The following CCDC7 variants were observed in gnomAD, a reference collection of about 807,000 sequenced individuals.
CCDC7 encodes coiled-coil domain containing 7, also known as coiled-coil domain-containing protein 7.
Under a neutral mutation model 196.9 loss-of-function variants are expected in CCDC7, and 183 were observed. That is an observed-to-expected ratio of 0.93 (90% CI 0.82 to 1.05). CCDC7 has a LOEUF of 1.05. Ranked by LOEUF, CCDC7 falls within the 50% of genes least tolerant of loss-of-function variation. CCDC7 has a pLI of 0.00. For missense variants in CCDC7, 1,540 were observed against 1,482.2 expected (o/e 1.04, Z -0.64); for synonymous variants, 525 against 484.6 (o/e 1.08, Z -1.10).
At chr10:32,797,426 C>A (rs1256529065) in intron 29 of CCDC7, among the ~76,000 whole-genome samples, 2 of 151,912 alleles carry the variant, frequency 1.3e-5, no homozygotes, top group African/African-American at 4.8e-5. Context: ...GAAAACCAAG[C>A]ATTGTATGTT....
intron 20 of CCDC7, among the ~76,000 whole-genome samples, chr10:32,663,380 A>G (rs536730891): frequency 1.3e-5 from 2 of 152,206 alleles, no homozygotes; most frequent in Non-Finnish European, 2.9e-5. Flanking sequence ...TTTTGCATGT[A>G]GGGTCTATGC....
In CCDC7 at chr10:32,828,512, A is replaced by G. The variant is rs536213508; in HGVS notation, c.3268+3908A>G. On this transcript the variant is annotated intron_variant, in intron 32 of 41. Coordinates refer to ENST00000639629, the Ensembl canonical transcript of CCDC7. ...AAGAAGAAGAAGAAGAAGAAGAAGAAGAAGAAGAAGAAGAAGAAGAAGAAG... is the reference window on the plus strand; with the variant it reads ...AAGAAGAAGAAGAAGAAGAAGAAGAGGAAGAAGAAGAAGAAGAAGAAGAAG... Among the ~76,000 whole-genome samples, 115 of 144,420 alleles carry G rather than the reference A, an allele frequency of 8.0e-4. 2 individuals are homozygous for G. The Middle Eastern group carries it at 0.011, about 13-fold the overall frequency. 94.7% of individuals were successfully genotyped at this position (144,420 alleles called of 152,430 possible). A position where few individuals can be genotyped will look rare whatever the true frequency, so the allele number is the denominator to read the frequency against.
intron 16 of CCDC7, among the ~76,000 whole-genome samples, chr10:32,576,366 C>T (rs1188759391): frequency 6.6e-6 from 1 of 151,652 alleles, no homozygotes; most frequent in Non-Finnish European, 1.5e-5. Context: ...TCTCTACTCC[C>T]TAACTTCTAG....
intron 25 of CCDC7, among the ~76,000 whole-genome samples, chr10:32,715,430 A>G (rs528682644): frequency 6.6e-6 from 1 of 152,232 alleles, no homozygotes; most frequent in African/African-American, 2.4e-5. Context: ...AGATAAATCC[A>G]TGAAGATGAG....
At chr10:32,515,306 A>C (rs1248667231) in intron 9 of CCDC7, among the ~76,000 whole-genome samples, 1 of 152,224 alleles carries the variant, frequency 6.6e-6, no homozygotes, top group African/African-American at 2.4e-5. Flanking sequence ...ACTCATACTT[A>C]ACTGATTTTA....
intron 25 of CCDC7, among the ~76,000 whole-genome samples, chr10:32,718,079 CA>C (rs2081893450): frequency 1.3e-5 from 2 of 151,920 alleles, no homozygotes; most frequent in African/African-American, 4.8e-5. Flanking sequence ...GACACAAAAA[CA>C]ACAACAAAAA....
chr10:32,486,690 G>A (rs1286418679), intron 8 of CCDC7, among the ~76,000 whole-genome samples: 2 of 112,066 alleles, frequency 1.8e-5, no homozygotes, highest in Non-Finnish European at 3.7e-5. Flanking sequence ...AGGCCTGATG[G>A]TGACAAAATC....
At chr10:32,595,220 T>A (rs1398921912) in intron 18 of CCDC7, among the ~76,000 whole-genome samples, 3 of 152,206 alleles carry the variant, frequency 2.0e-5, no homozygotes, top group African/African-American at 7.2e-5. Flanking sequence ...TTGCCTCAAT[T>A]TCAGAGCCTG....
At chr10:32,448,127 T>A (rs966700018), upstream of CCDC7, among the ~76,000 whole-genome samples, 5 of 152,194 alleles carry the variant, frequency 3.3e-5, no homozygotes, top group Non-Finnish European at 1.5e-5. Context: ...ACTATAGTGT[T>A]TCATCGAAAC....
At chr10:32,648,912 A>G (rs1258794853) in intron 20 of CCDC7, among the ~76,000 whole-genome samples, 1 of 152,202 alleles carries the variant, frequency 6.6e-6, no homozygotes, top group Admixed American at 6.5e-5. Context: ...TAACCTAAAT[A>G]CCTATCAATG....
chr10:32,710,807 CA>C (rs1281732670), intron 24 of CCDC7, among the ~76,000 whole-genome samples: 1 of 152,118 alleles, frequency 6.6e-6, no homozygotes, highest in East Asian at 1.9e-4. Context: ...CATTTGTTAC[CA>C]GGGGAGCTGC....
intron 18 of CCDC7, among the ~76,000 whole-genome samples, chr10:32,633,591 C>T (rs1344058358): frequency 6.6e-6 from 1 of 151,742 alleles, no homozygotes; most frequent in Non-Finnish European, 1.5e-5. Context: ...TCACAAGTTA[C>T]TTGAATTAAT....
At position 32,689,060 on chromosome 10, in the gene CCDC7, T is replaced by C. The variant is rs759286342; in HGVS notation, c.2241T>C (p.Asp747=). The stretch of plus-strand genomic sequence containing the variant: ...ACACATCTTTTTCTGTAGCTCCTGA[T>C]AAAGAACCAAATGAAAATCTTATAC... The change falls in exon 23 of 42, where the codon GAT becomes GAC. Residue 747 remains aspartate (D), a synonymous_variant. Coordinates refer to ENST00000639629, the Ensembl canonical transcript of CCDC7. The C allele has an allele frequency of 4.4e-6, 7 of 1,582,110 alleles. No individual in the cohort carries two copies. In the South Asian group the frequency reaches 5.7e-5, roughly 13 times the overall value.
chr10:32,824,417 C>G (rs1010477654), intron 31 of CCDC7, 101 bp from the exon 33 acceptor site: 5 of 649,222 alleles, frequency 7.7e-6, no homozygotes, highest in Non-Finnish European at 1.3e-5. Context: ...TAATTCTACT[C>G]CAATGAAGAA....
upstream of CCDC7, among the ~76,000 whole-genome samples, chr10:32,450,169 T>C (rs1432614553): frequency 6.6e-6 from 1 of 152,220 alleles, no homozygotes; most frequent in Non-Finnish European, 1.5e-5. Context: ...CCATGTTCCC[T>C]GCTAAGGGCT....
At chr10:32,531,653 A>G (rs1276146727) in intron 11 of CCDC7, among the ~76,000 whole-genome samples, 2 of 152,180 alleles carry the variant, frequency 1.3e-5, no homozygotes, top group African/African-American at 2.4e-5. Flanking sequence ...AATGTTCAGT[A>G]AAATCCAGCA....
At chr10:32,533,501 G>T (rs1321710832) in intron 11 of CCDC7, among the ~76,000 whole-genome samples, 5 of 151,920 alleles carry the variant, frequency 3.3e-5, no homozygotes, top group African/African-American at 1.2e-4. Context: ...TTTATACCTG[G>T]AAAAGTTTTT....
intron 28 of CCDC7, among the ~76,000 whole-genome samples, chr10:32,739,869 C>G (rs1379804903): frequency 2.7e-5 from 4 of 149,870 alleles, no homozygotes; most frequent in Non-Finnish European, 5.9e-5. Context: ...CCCCCCCCCA[C>G]CAAACTGCTG....
At chr10:32,779,862 C>G (rs56195039) in intron 29 of CCDC7, among the ~76,000 whole-genome samples, 2 of 152,256 alleles carry the variant, frequency 1.3e-5, no homozygotes, top group Non-Finnish European at 2.9e-5. Context: ...GTGAAACTGT[C>G]AAAGGAGTGC....
Sources: allele counts gnomAD v4.1 joint callset (sites outside exome capture counted in the v4.1 genomes callset), GRCh38; gene constraint gnomAD v4.1.1; transcripts MANE v1.5; gene names NCBI Gene and HGNC (gene_info 2026-07-23, HGNC 2026-07-21).